Variants in GMNC observed in about 807,000 individuals in gnomAD.
GMNC encodes the protein geminin coiled-coil domain-containing protein 1.
A neutral mutation model predicts 33.6 loss-of-function variants in GMNC; 16 were observed. That is an observed-to-expected ratio of 0.48 (90% CI 0.32 to 0.72). GMNC has a LOEUF of 0.72. GMNC is among the 30% of genes least tolerant of loss of function. The probability of loss-of-function intolerance (pLI) is 0.03; values close to 1 mark genes in which losing one functional copy is unlikely to be tolerated. For missense variants in GMNC, 393 were observed against 388.9 expected, an observed-to-expected ratio of 1.01 and a Z score of -0.09; for synonymous variants, 156 against 147.3, an observed-to-expected ratio of 1.06 and a Z score of -0.43.
intron 4 of GMNC, among the ~76,000 whole-genome samples, chr3:190,857,414 T>C (rs554692483): frequency 6.6e-6 from 1 of 152,192 alleles, no homozygotes; most frequent in South Asian, 2.1e-4. Context: ...TAAGAATGAT[T>C]TGCCTAAAGT....
At chr3:190,846,205 G>A in the GMNC span, among the ~76,000 whole-genome samples, 1 of 151,982 alleles carries the variant, frequency 6.6e-6, no homozygotes, top group Admixed American at 6.6e-5. Flanking sequence ...TCCAACCTGG[G>A]TGACAGAGTG....
At position 190,855,144 on chromosome 3, in the gene GMNC, G is replaced by T; in HGVS notation, c.*151C>A. On this transcript the variant is annotated 3_prime_UTR_variant, in exon 5 of 5. Coordinates refer to ENST00000442080, the MANE Select transcript of GMNC (RefSeq NM_001146686.3). The stretch of plus-strand genomic sequence containing the variant: ...TATGGATTCTTGGAAGCCATTCCCT[G>T]CAGATTTAAGTGGGTAATTGAGAGT... 1 of 757,004 alleles carries T rather than the reference G, an allele frequency of 1.3e-6. No homozygotes were observed. The highest frequency in any genetic ancestry group is 1.9e-5 in the South Asian group (1 of 52,358). 46.9% of individuals were successfully genotyped at this position (757,004 alleles called of 1,614,324 possible).
intron 2 of GMNC, 132 bp from the exon 3 acceptor site, chr3:190,859,148 G>A (rs2108532839): frequency 3.4e-6 from 2 of 595,974 alleles, no homozygotes; most frequent in Admixed American, 3.0e-5. Flanking sequence ...TGCCATACAG[G>A]AAAACAAGAC....
chr3:190,860,977 A>T, intron 1 of GMNC, 119 bp from the exon 2 acceptor site: 1 of 697,582 alleles, frequency 1.4e-6, no homozygotes, highest in South Asian at 2.2e-5. Flanking sequence ...AAAGAAAAAA[A>T]ATCAGAAAAG....
At chr3:190,860,005 T>C (rs1458571247) in intron 2 of GMNC, among the ~76,000 whole-genome samples, 3 of 152,254 alleles carry the variant, frequency 2.0e-5, no homozygotes, top group African/African-American at 4.8e-5. Flanking sequence ...TTTGTTTGTG[T>C]CTTTTTAAAA....
the GMNC span, among the ~76,000 whole-genome samples, chr3:190,847,604 T>A: frequency 1.3e-5 from 2 of 152,182 alleles, no homozygotes; most frequent in Non-Finnish European, 2.9e-5. Flanking sequence ...TGCTGTCTCC[T>A]CTTTCATTGC....
rs190950211 is a variant in GMNC, at chr3:190,860,758, G to A, written c.104C>T (p.Thr35Met). 195 of 1,551,526 alleles carry A rather than the reference G, an allele frequency of 1.3e-4. No homozygotes were observed. In the African/African-American group the frequency reaches 2.2e-3, roughly 18 times the overall value. Residue 35 changes from threonine (T) to methionine (M), a missense_variant, in exon 2 of 5, where the codon ACG (threonine) becomes ATG (methionine). Coordinates refer to ENST00000442080, the MANE Select transcript of GMNC (RefSeq NM_001146686.3). ...AGCCCAGAAAGAGACCCAAGTCTCCGTGGAAACGTCAACACTAGATTCTGA... is the reference window on the plus strand; with the variant it reads ...AGCCCAGAAAGAGACCCAAGTCTCCATGGAAACGTCAACACTAGATTCTGA... ...TTSESSVDVS[T>M]ETWVSFWAAG...
chr3:190,856,879 G>A (rs1270380825), intron 4 of GMNC, among the ~76,000 whole-genome samples: 2 of 151,572 alleles, frequency 1.3e-5, no homozygotes, highest in African/African-American at 4.9e-5. Flanking sequence ...TTATGGAATG[G>A]TGGCTGGAGT....
At chr3:190,856,825 A>G (rs1197184112) in intron 4 of GMNC, among the ~76,000 whole-genome samples, 2 of 151,876 alleles carry the variant, frequency 1.3e-5, no homozygotes, top group African/African-American at 2.4e-5. Flanking sequence ...CTGACAGATA[A>G]AACTGCCTAG....
intron 4 of GMNC, among the ~76,000 whole-genome samples, chr3:190,857,533 C>T (rs1737773225): frequency 6.6e-6 from 1 of 152,118 alleles, no homozygotes; most frequent in Non-Finnish European, 1.5e-5. Flanking sequence ...CAGCAACCCC[C>T]ACCCTCGACT....
intron 4 of GMNC, among the ~76,000 whole-genome samples, chr3:190,856,306 TATATTTATTTATAA>T (rs1308433444): frequency 2.8e-4 from 38 of 136,068 alleles, no homozygotes; most frequent in Admixed American, 5.2e-4. Context: ...AAATAATACT[TATATTTATTTATAA>T]ATATTTATAA....
chr3:190,862,510 G>A lies in GMNC; in HGVS notation c.3+103C>T. ...TCTGTTTTAACTGGCGGGTAGCGGA[G>A]AAATCTTGCTCCGAAGGTGGAATAA... is the stretch of plus-strand genomic sequence containing the variant. On this transcript the variant is annotated intron_variant, in intron 1 of 4. Transcript: ENST00000442080. The surrounding 1 kb of genome is among the most constrained non-coding windows in gnomAD (Gnocchi z 4.5). 1 of 877,006 alleles carries A rather than the reference G, an allele frequency of 1.1e-6. No homozygotes were observed. Among genetic ancestry groups the A allele is most frequent in the South Asian group, 1.4e-5 (1 of 70,752 alleles). 54.3% of individuals were successfully genotyped at this position (877,006 alleles called of 1,614,324 possible).
At chr3:190,850,052 T>A (rs1448118310), downstream of GMNC, among the ~76,000 whole-genome samples, 1 of 152,198 alleles carries the variant, frequency 6.6e-6, no homozygotes, top group African/African-American at 2.4e-5. Flanking sequence ...TATCAATACT[T>A]TGGACCATGA....
rs563264740 is a variant in GMNC, at chr3:190,860,087, A to C, written c.178+597T>G. On this transcript the variant is annotated intron_variant, in intron 2 of 4. Coordinates refer to ENST00000442080, the MANE Select transcript of GMNC (RefSeq NM_001146686.3). ...CTGGGGTGTCTGAGAATTCTTTAAG[A>C]AACTTGAGTGTTTAACACAGACATT... is the stretch of plus-strand genomic sequence containing the variant. Among the ~76,000 whole-genome samples, 389 of 152,328 alleles carry C rather than the reference A, an allele frequency of 2.6e-3. 5 individuals carry two copies. Among genetic ancestry groups the C allele is most frequent in the African/African-American group, 8.9e-3 (372 of 41,588 alleles).
At chr3:190,845,437 G>A in the GMNC span, among the ~76,000 whole-genome samples, 1 of 151,468 alleles carries the variant, frequency 6.6e-6, no homozygotes, top group East Asian at 1.9e-4. Flanking sequence ...CTTTATAGCA[G>A]TGTGGAAACA....
At chr3:190,860,373 C>T (rs977135692) in intron 2 of GMNC, among the ~76,000 whole-genome samples, 2 of 152,160 alleles carry the variant, frequency 1.3e-5, no homozygotes, top group African/African-American at 4.8e-5. Flanking sequence ...ATTCCAAAGA[C>T]ATTCTGCTGG....
Position 190,862,673 on chromosome 3 carries a change from A to C in GMNC, c.-58T>G. The C allele has an allele frequency of 6.4e-6, 10 of 1,551,722 alleles. No individual in the cohort carries two copies. The South Asian group carries it at 1.2e-4, about 18-fold the overall frequency. The stretch of plus-strand genomic sequence containing the variant: ...GCCCACTCAATTTTTCAGTAAAACC[A>C]GTGGGAGCTTTAAATGAGACTGAGG... On this transcript the variant is annotated 5_prime_UTR_variant, in exon 1 of 5. Transcript: ENST00000442080. This position sits in a 1 kb window ranked among gnomAD's most constrained non-coding sequence, Gnocchi z 4.5.
Position 190,855,873 on chromosome 3 carries a change from A to G in GMNC, c.427T>C (p.Phe143Leu), listed in dbSNP as rs543732026. The change falls in exon 5 of 5, where the codon TTC becomes CTC. Residue 143 changes from phenylalanine to leucine, a missense_variant. Coordinates refer to ENST00000442080, the MANE Select transcript of GMNC (RefSeq NM_001146686.3). ...TTGGATTTTCTCTTCCCCTTCCTGA[A>G]TTTTCCATATGCTTTGGAGAACTCA... ...SDEFSKAYGK[F>L]RKGKRKSKEQ... 90 of 1,550,784 alleles carry G rather than the reference A, an allele frequency of 5.8e-5. No individual in the cohort carries two copies. The East Asian group carries it at 1.5e-3, about 25-fold the overall frequency.
chr3:190,857,540 G>C (rs78468623), intron 4 of GMNC, among the ~76,000 whole-genome samples: 1 of 152,070 alleles, frequency 6.6e-6, no homozygotes, highest in East Asian at 1.9e-4. Context: ...CCCCACCCTC[G>C]ACTAGCATTT....
Sources: gnomAD v4.1 joint callset for allele counts (sites outside exome capture counted in the v4.1 genomes callset) on GRCh38, gnomAD v4.1.1 for gene constraint, Gnocchi (gnomAD v3.1) non-coding constraint, MANE v1.5 for transcripts, NCBI Gene and HGNC (gene_info 2026-07-23, HGNC 2026-07-21) for gene names.